Variants in THSD7A observed in about 807,000 individuals in gnomAD.
THSD7A encodes the protein thrombospondin type 1 domain containing 7A.
THSD7A carries 96 observed loss-of-function variants against 231.3 expected under a neutral mutation model. The ratio of observed to expected loss-of-function variants is 0.41; its 90% confidence interval spans 0.35 to 0.49. The LOEUF (loss-of-function observed/expected upper bound fraction) is 0.49. THSD7A is among the 20% of genes least tolerant of loss of function. The probability of loss-of-function intolerance (pLI) is 0.05; values close to 1 mark genes in which losing one functional copy is unlikely to be tolerated. For missense variants in THSD7A, 2,290 were observed against 2,070.2 expected (o/e 1.11, Z -2.06); for synonymous variants, 940 against 743.3 (o/e 1.26, Z -4.30).
chr7:11,490,695 C>G (rs1335727420), intron 6 of THSD7A, among the ~76,000 whole-genome samples: 2 of 151,994 alleles, frequency 1.3e-5, no homozygotes, highest in Admixed American at 6.6e-5. Flanking sequence ...TTTCATTCCT[C>G]TCAGTTGTTT....
At chr7:11,410,416 G>A (rs1220385891) in intron 19 of THSD7A, 1 of 152,144 alleles carries the variant, frequency 6.6e-6, no homozygotes, top group Non-Finnish European at 1.5e-5. Flanking sequence ...ACTCTAATGA[G>A]GTTACAAACC....
At chr7:11,471,584 T>C (rs1785939996) in intron 8 of THSD7A, among the ~76,000 whole-genome samples, 1 of 152,040 alleles carries the variant, frequency 6.6e-6, no homozygotes, top group African/African-American at 2.4e-5. Context: ...AAAACCCCAG[T>C]GTTTATTTGG....
chr7:11,379,740 A>T, intron 24 of THSD7A, 28 bp from the exon 25 acceptor site: 1 of 1,557,084 alleles, frequency 6.4e-7, no homozygotes, highest in Non-Finnish European at 8.7e-7. Context: ...ATGTTTTGAC[A>T]AATAATATAT....
intron 6 of THSD7A, among the ~76,000 whole-genome samples, chr7:11,511,223 C>T (rs1228185589): frequency 6.6e-6 from 1 of 152,114 alleles, no homozygotes; most frequent in African/African-American, 2.4e-5. Context: ...ATCCAACTTA[C>T]AAGGGATGTG....
At chr7:11,795,354 C>T (rs1339238402) in intron 1 of THSD7A, among the ~76,000 whole-genome samples, 1 of 151,874 alleles carries the variant, frequency 6.6e-6, no homozygotes, top group African/African-American at 2.4e-5. Context: ...CCGAGCTCTA[C>T]CCCTACTGGT....
rs1784002514 is a variant in THSD7A, at chr7:11,417,549, A to G, written c.3438T>C (p.Cys1146=). 5 of 1,613,832 alleles carry G rather than the reference A, an allele frequency of 3.1e-6. No individual in the cohort carries two copies. Among genetic ancestry groups the G allele is most frequent in the Non-Finnish European group, 4.2e-6 (5 of 1,179,784 alleles). The part of the protein sequence containing the change: ...GPSEHVEDYL[C]DPEEMPLGSR... ...AGCCCAGGGGCATCTCTTCTGGGTC[A>G]CAGAGGTAATCCTCTACATGTTCAG... is the stretch of plus-strand genomic sequence containing the variant. The change falls in exon 17 of 28, where the codon TGT becomes TGC. Residue 1146 remains cysteine (C), a synonymous_variant. Transcript: ENST00000423059.
At chr7:11,604,666 G>A (rs899232640) in intron 2 of THSD7A, among the ~76,000 whole-genome samples, 4 of 152,028 alleles carry the variant, frequency 2.6e-5, no homozygotes, top group Non-Finnish European at 4.4e-5. Flanking sequence ...CTATTCAGAT[G>A]TTTCTAACTT....
chr7:11,609,050 G>C (rs1780833571), intron 2 of THSD7A, among the ~76,000 whole-genome samples: 1 of 152,124 alleles, frequency 6.6e-6, no homozygotes, highest in Non-Finnish European at 1.5e-5. Flanking sequence ...AGGATAAACT[G>C]CCGTTGTTCT....
Position 11,494,572 on chromosome 7 carries a change from T to G in THSD7A, c.1823-12590A>C, listed in dbSNP as rs946940569. On this transcript the variant is annotated intron_variant, in intron 6 of 27. Coordinates refer to ENST00000423059, the MANE Select transcript of THSD7A (RefSeq NM_015204.3). ...ATGAAAGGAAAGAAAATAATACTTATGAATAGCTACTGTGTTCAAGCATGA... is the reference window on the plus strand; with the variant it reads ...ATGAAAGGAAAGAAAATAATACTTAGGAATAGCTACTGTGTTCAAGCATGA... 9.9e-5 allele frequency among the ~76,000 whole-genome samples: 15 copies of G among 152,054 alleles called. No individual in the cohort carries two copies. In the South Asian group the frequency reaches 3.1e-3, roughly 31 times the overall value.
At chr7:11,381,762 T>C (rs184321310) in intron 24 of THSD7A, among the ~76,000 whole-genome samples, 32 of 152,290 alleles carry the variant, frequency 2.1e-4, no homozygotes, top group Middle Eastern at 3.4e-3. Flanking sequence ...CTTGTATTTC[T>C]TTCTAGGAAA....
At chr7:11,508,315 A>G (rs1787644262) in intron 6 of THSD7A, among the ~76,000 whole-genome samples, 1 of 152,232 alleles carries the variant, frequency 6.6e-6, no homozygotes, top group Non-Finnish European at 1.5e-5. Context: ...AAGTATTTGA[A>G]AAAATGTTCA....
At chr7:11,478,163 C>T (rs978759335) in intron 7 of THSD7A, among the ~76,000 whole-genome samples, 2 of 152,206 alleles carry the variant, frequency 1.3e-5, no homozygotes, top group South Asian at 4.1e-4. Flanking sequence ...GCTATACCCA[C>T]AAGATATCTT....
At chr7:11,815,727 C>A (rs1784672654) in intron 1 of THSD7A, among the ~76,000 whole-genome samples, 1 of 152,080 alleles carries the variant, frequency 6.6e-6, no homozygotes, top group Non-Finnish European at 1.5e-5. Context: ...TATATTCTTT[C>A]ATTCCTGGCA....
At chr7:11,811,795 T>A (rs1019538509) in intron 1 of THSD7A, among the ~76,000 whole-genome samples, 25 of 152,044 alleles carry the variant, frequency 1.6e-4, no homozygotes, top group Non-Finnish European at 3.7e-4. Flanking sequence ...TGCTTGCAGG[T>A]TTTCACTTGG....
intron 23 of THSD7A, among the ~76,000 whole-genome samples, chr7:11,389,568 T>C (rs529469448): frequency 3.9e-4 from 60 of 152,002 alleles, no homozygotes; most frequent in African/African-American, 1.4e-3. Flanking sequence ...TCTTGACTCT[T>C]TATCCAATTT....
intron 1 of THSD7A, among the ~76,000 whole-genome samples, chr7:11,786,447 C>T (rs1178204399): frequency 6.6e-6 from 1 of 151,978 alleles, no homozygotes; most frequent in African/African-American, 2.4e-5. Context: ...GTGGTTAAGC[C>T]TGGTGGAGCA....
intron 1 of THSD7A, among the ~76,000 whole-genome samples, chr7:11,638,057 C>T (rs1177699974): frequency 6.6e-6 from 1 of 152,144 alleles, no homozygotes; most frequent in Non-Finnish European, 1.5e-5. Flanking sequence ...GTGGGGTGGG[C>T]TCTAGTGCCC....
At chr7:11,621,091 T>C (rs1781293014) in intron 2 of THSD7A, among the ~76,000 whole-genome samples, 2 of 152,206 alleles carry the variant, frequency 1.3e-5, no homozygotes, top group African/African-American at 2.4e-5. Flanking sequence ...TCTTTTCAAA[T>C]TGATCTGTTT....
chr7:11,767,086 C>T (rs2128170137), intron 1 of THSD7A, among the ~76,000 whole-genome samples: 1 of 152,082 alleles, frequency 6.6e-6, no homozygotes, highest in South Asian at 2.1e-4. Context: ...CATGCATGTG[C>T]ATGTATGTTT....
Sources: gnomAD v4.1 joint callset for allele counts (sites outside exome capture counted in the v4.1 genomes callset) on GRCh38, gnomAD v4.1.1 for gene constraint, MANE v1.5 for transcripts, NCBI Gene and HGNC (gene_info 2026-07-23, HGNC 2026-07-21) for gene names.